LIPA: variants seen among roughly 807,000 people sequenced by gnomAD.
The protein encoded by LIPA is lipase A, lysosomal acid type.
LIPA carries 26 observed loss-of-function variants against 40.6 expected under a neutral mutation model. That is an observed-to-expected ratio of 0.64 (90% CI 0.47 to 0.89). The LOEUF (loss-of-function observed/expected upper bound fraction) is 0.89, where lower values mean the gene tolerates loss of function less well. LIPA is among the 40% of genes least tolerant of loss of function. The pLI, the probability that LIPA is intolerant of heterozygous loss-of-function variation, is 0.00. For missense variants in LIPA, 455 were observed against 479.6 expected (o/e 0.95, Z 0.48); for synonymous variants, 188 against 168.4 (o/e 1.12, Z -0.90).
chr10:89,381,620 GT>G (rs1160316238), intron 2 of LIPA, among the ~76,000 whole-genome samples: 1 of 152,094 alleles, frequency 6.6e-6, no homozygotes, highest in East Asian at 1.9e-4. Flanking sequence ...ATAGTAGGGA[GT>G]TTTTTAGATG....
At chr10:89,358,858 G>A (rs1460800323) in intron 2 of LIPA, among the ~76,000 whole-genome samples, 1 of 152,134 alleles carries the variant, frequency 6.6e-6, no homozygotes, top group Non-Finnish European at 1.5e-5. Flanking sequence ...TCTAGTGTTC[G>A]ATAGTACAGT....
intron 1 of LIPA, among the ~76,000 whole-genome samples, chr10:89,266,057 C>A (rs1034180375): frequency 1.3e-5 from 2 of 152,192 alleles, no homozygotes; most frequent in African/African-American, 4.8e-5. Flanking sequence ...ATGTTTTCTA[C>A]ATATGATATA....
chr10:89,261,560 T>A (rs1402934461), intron 1 of LIPA, among the ~76,000 whole-genome samples: 1 of 152,116 alleles, frequency 6.6e-6, no homozygotes, highest in Non-Finnish European at 1.5e-5. Flanking sequence ...AGAGCTCACA[T>A]AAAAATATAT....
chr10:89,246,311 C>T (rs1843024664), intron 2 of LIPA, among the ~76,000 whole-genome samples: 1 of 152,064 alleles, frequency 6.6e-6, no homozygotes, highest in Non-Finnish European at 1.5e-5. Context: ...TGGTCACATT[C>T]ACTTTTCTAT....
intron 2 of LIPA, among the ~76,000 whole-genome samples, chr10:89,361,875 C>CGT (rs1844024440): frequency 4.9e-5 from 2 of 40,410 alleles, no homozygotes; most frequent in Non-Finnish European, 9.4e-5. Context: ...CTCCACCTGC[C>CGT]TTTTTTTTTT....
chr10:89,394,133 C>T (rs1360649098), intron 2 of LIPA, among the ~76,000 whole-genome samples: 2 of 146,440 alleles, frequency 1.4e-5, no homozygotes, highest in African/African-American at 5.0e-5. Context: ...ACGGTATAGC[C>T]TACTACACAC....
In LIPA at chr10:89,220,383, G is replaced by A. The variant is rs75107489; in HGVS notation, c.894+2128C>T. ...TTAGGAAAATGTCCATTAGGTAAGAGGTCCTAGGCATCCTCAAAAATGTAG... is the reference window on the plus strand; with the variant it reads ...TTAGGAAAATGTCCATTAGGTAAGAAGTCCTAGGCATCCTCAAAAATGTAG... On this transcript the variant is annotated intron_variant, in intron 8 of 9. Transcript: ENST00000336233. Among the ~76,000 whole-genome samples the A allele has an allele frequency of 3.5e-4, 54 of 152,300 alleles. No individual in the cohort carries two copies. In the East Asian group the frequency reaches 8.3e-3, roughly 23 times the overall value.
chr10:89,241,144 G>A (rs1204730198), intron 3 of LIPA, among the ~76,000 whole-genome samples: 3 of 152,150 alleles, frequency 2.0e-5, no homozygotes, highest in African/African-American at 4.8e-5. Flanking sequence ...AGGTCAGAGC[G>A]GTTAACCAGG....
intron 1 of LIPA, among the ~76,000 whole-genome samples, chr10:89,316,456 G>A (rs1318494143): frequency 6.6e-6 from 1 of 152,230 alleles, no homozygotes; most frequent in Non-Finnish European, 1.5e-5. Context: ...TGCCCAGGGA[G>A]CCTTGCTCAC....
At chr10:89,392,998 AG>A (rs2133612679) in intron 2 of LIPA, 1 of 726,724 alleles carries the variant, frequency 1.4e-6, no homozygotes, top group East Asian at 3.6e-5. Flanking sequence ...TTTTGCAGGA[AG>A]GGAGAAAATG....
At chr10:89,372,754 A>G (rs1844098577) in intron 2 of LIPA, among the ~76,000 whole-genome samples, 1 of 152,218 alleles carries the variant, frequency 6.6e-6, no homozygotes. Flanking sequence ...TTCTTTTTTC[A>G]GCTCAATGTA....
At chr10:89,295,059 AGG>A (rs1843405158) in intron 1 of LIPA, among the ~76,000 whole-genome samples, 2 of 148,228 alleles carry the variant, frequency 1.3e-5, no homozygotes, top group Admixed American at 1.4e-4. Context: ...AGGAAAGGAA[AGG>A]AAAGGAAAGG....
intron 2 of LIPA, among the ~76,000 whole-genome samples, chr10:89,348,767 CT>C (rs1334083734): frequency 6.6e-6 from 1 of 152,144 alleles, no homozygotes; most frequent in Non-Finnish European, 1.5e-5. Context: ...TGGAATTTCC[CT>C]TGAAGGAACT....
At chr10:89,335,626 C>CA (rs1290702190) in intron 1 of LIPA, 2 of 151,292 alleles carry the variant, frequency 1.3e-5, no homozygotes, top group African/African-American at 4.9e-5. Flanking sequence ...ATACATCCAA[C>CA]AATACATCCA....
intron 3 of LIPA, among the ~76,000 whole-genome samples, chr10:89,232,208 G>A (rs1007671262): frequency 2.6e-5 from 4 of 152,192 alleles, no homozygotes; most frequent in African/African-American, 9.7e-5. Context: ...GGCGCTGTAC[G>A]ATGCAGTGGC....
upstream of LIPA, among the ~76,000 whole-genome samples, chr10:89,254,879 C>T (rs1290694296): frequency 6.6e-6 from 1 of 152,182 alleles, no homozygotes; most frequent in African/African-American, 2.4e-5. Context: ...AGTATCTTTG[C>T]TAAAACATAG....
chr10:89,260,044 T>A (rs1198906885), intron 1 of LIPA, among the ~76,000 whole-genome samples: 1 of 152,252 alleles, frequency 6.6e-6, no homozygotes, highest in African/African-American at 2.4e-5. Context: ...TTAATCTTCA[T>A]CTGTCATACT....
At chr10:89,249,828 A>G (rs1434646920) in intron 1 of LIPA, among the ~76,000 whole-genome samples, 2 of 152,244 alleles carry the variant, frequency 1.3e-5, no homozygotes, top group Admixed American at 6.5e-5. Context: ...ATGGTTTCAC[A>G]GGTGTGTACA....
rs142724946 is a variant in LIPA, at chr10:89,377,528, T to C, written c.61+35263A>G. Among the ~76,000 whole-genome samples, 261 of 152,296 alleles carry C rather than the reference T, an allele frequency of 1.7e-3. 5 individuals carry two copies. In the East Asian group the frequency reaches 0.043, roughly 25 times the overall value. On this transcript the variant is annotated intron_variant, in intron 2 of 8. Transcript: ENST00000371837. ...GTATGGGACCCTTCTTATAGACCAA[T>C]ATCTCAAAATTGAGGAGTTGTTTTG...
Sources: gnomAD v4.1 joint callset for allele counts (sites outside exome capture counted in the v4.1 genomes callset) on GRCh38, gnomAD v4.1.1 for gene constraint, MANE v1.5 for transcripts, NCBI Gene and HGNC (gene_info 2026-07-23, HGNC 2026-07-21) for gene names.